The following EIF4G3 variants were observed in gnomAD, a reference collection of about 807,000 sequenced individuals.
EIF4G3 encodes the protein eIF-4-gamma 3.
Under a neutral mutation model 186.4 loss-of-function variants are expected in EIF4G3, and 34 were observed. The ratio of observed to expected loss-of-function variants is 0.18; its 90% CI spans 0.14 to 0.24. The LOEUF (loss-of-function observed/expected upper bound fraction) is 0.24, where lower values mean the gene tolerates loss of function less well. EIF4G3 is among the 10% of genes least tolerant of loss of function. The probability of loss-of-function intolerance (pLI) is 1.00; values close to 1 mark genes in which losing one functional copy is unlikely to be tolerated. For missense variants in EIF4G3, 1,536 were observed against 1,948.5 expected (o/e 0.79, Z 3.99); for synonymous variants, 673 against 679.5 (o/e 0.99, Z 0.15).
At chr1:20,942,695 T>C (rs547815931) in intron 13 of EIF4G3, among the ~76,000 whole-genome samples, 2 of 152,130 alleles carry the variant, frequency 1.3e-5, no homozygotes, top group Non-Finnish European at 2.9e-5. Context: ...TCTCGTTCCC[T>C]AAAAAACTTT....
chr1:21,160,276 A>G (rs2097742028), intron 2 of EIF4G3, among the ~76,000 whole-genome samples: 1 of 151,830 alleles, frequency 6.6e-6, no homozygotes, highest in East Asian at 1.9e-4. Context: ...AGTGATATGA[A>G]TAATAAACAA....
chr1:21,160,227 T>A (rs1351028778), intron 2 of EIF4G3, among the ~76,000 whole-genome samples: 1 of 152,060 alleles, frequency 6.6e-6, no homozygotes, highest in African/African-American at 2.4e-5. Context: ...AGTTACTGGA[T>A]TTTAACCCAT....
At position 20,851,255 on chromosome 1, in the gene EIF4G3, C is replaced by T; in HGVS notation, c.3772+3G>A. 1 of 1,613,982 alleles carries T rather than the reference C, an allele frequency of 6.2e-7. No individual in the cohort carries two copies. The highest frequency in any genetic ancestry group is 2.2e-5 in the East Asian group (1 of 44,884). ...CTGCATCTGTTTAAGCCAAGTCTCT[C>T]ACCTGACTCCCTTGTTTTATTTCGC... On this transcript the variant is annotated splice_donor_region_variant and intron_variant, in intron 28 of 36. Coordinates refer to ENST00000602326, the MANE Select transcript of EIF4G3 (RefSeq NM_001391906.1).
chr1:20,952,140 C>A (rs1219578626), intron 12 of EIF4G3, among the ~76,000 whole-genome samples: 1 of 145,380 alleles, frequency 6.9e-6, no homozygotes, highest in Non-Finnish European at 1.5e-5. Flanking sequence ...AACGTATTAA[C>A]ATATAATTCA....
chr1:20,939,771 A>G (rs1322690061), intron 14 of EIF4G3, among the ~76,000 whole-genome samples: 1 of 152,164 alleles, frequency 6.6e-6, no homozygotes, highest in Non-Finnish European at 1.5e-5. Context: ...AGTGTCAAAC[A>G]AATTACTGTT....
At chr1:20,821,454 C>T (rs1053738602) in intron 33 of EIF4G3, among the ~76,000 whole-genome samples, 1 of 152,154 alleles carries the variant, frequency 6.6e-6, no homozygotes, top group African/African-American at 2.4e-5. Flanking sequence ...ATGTATTTAA[C>T]GAGACTCCAC....
chr1:21,085,907 T>C (rs2095955355), intron 3 of EIF4G3, among the ~76,000 whole-genome samples: 1 of 152,164 alleles, frequency 6.6e-6, no homozygotes, highest in South Asian at 2.1e-4. Context: ...TTGGCCAGGA[T>C]GGTCTCAATC....
chr1:20,904,734 C>A (rs2091547716), intron 15 of EIF4G3, 149 bp downstream of exon 15: 3 of 462,976 alleles, frequency 6.5e-6, no homozygotes, highest in Non-Finnish European at 1.1e-5. Context: ...TTTTAAAATT[C>A]TAATATAAAA....
At position 20,866,435 on chromosome 1, in the gene EIF4G3, T is replaced by C. The variant is rs10916889; in HGVS notation, c.2623-1173A>G. ...TATTTCCTTTCAGCAGGAGACATTA[T>C]CTTAGGAAGAGGGGAACATTTTCAG... On this transcript the variant is annotated intron_variant, in intron 20 of 36. Coordinates refer to ENST00000602326, the MANE Select transcript of EIF4G3 (RefSeq NM_001391906.1). 3.1e-3 allele frequency among the ~76,000 whole-genome samples: 475 copies of C among 152,326 alleles called. 2 individuals are homozygous for C. Among genetic ancestry groups the C allele is most frequent in the African/African-American group, 0.011 (458 of 41,584 alleles).
chr1:21,069,113 A>G (rs2095363036), intron 3 of EIF4G3, among the ~76,000 whole-genome samples: 1 of 152,174 alleles, frequency 6.6e-6, no homozygotes, highest in Non-Finnish European at 1.5e-5. Flanking sequence ...TACACTATGT[A>G]GCTGTAACCT....
intron 18 of EIF4G3, chr1:20,892,846 T>C: frequency 2.9e-6 from 2 of 686,118 alleles, no homozygotes; most frequent in Middle Eastern, 2.6e-4. Flanking sequence ...GCTCTGTATA[T>C]ATATTTTTTC....
At chr1:20,865,836 C>T (rs1038036155) in intron 20 of EIF4G3, among the ~76,000 whole-genome samples, 1 of 152,090 alleles carries the variant, frequency 6.6e-6, no homozygotes, top group Non-Finnish European at 1.5e-5. Flanking sequence ...TGCTTATGTG[C>T]CATGAGAATA....
At chr1:20,935,338 T>C (rs2095485916) in intron 14 of EIF4G3, among the ~76,000 whole-genome samples, 1 of 152,162 alleles carries the variant, frequency 6.6e-6, no homozygotes, top group African/African-American at 2.4e-5. Flanking sequence ...GGAAAGCCTT[T>C]GGAAACAGAA....
intron 34 of EIF4G3, among the ~76,000 whole-genome samples, chr1:20,816,717 C>G (rs1418817225): frequency 1.1e-5 from 1 of 90,898 alleles, no homozygotes; most frequent in Non-Finnish European, 2.3e-5. Flanking sequence ...CCCCTCCGCC[C>G]GGCCACCACC....
intron 4 of EIF4G3, among the ~76,000 whole-genome samples, chr1:21,009,342 A>G (rs1004984695): frequency 2.0e-5 from 3 of 151,908 alleles, no homozygotes; most frequent in African/African-American, 7.3e-5. Flanking sequence ...ACAATGCCTG[A>G]CTAATTTTTG....
At chr1:20,828,462 T>C (rs770245236) in intron 31 of EIF4G3, among the ~76,000 whole-genome samples, 31 of 152,346 alleles carry the variant, frequency 2.0e-4, no homozygotes, top group Non-Finnish European at 3.4e-4. Flanking sequence ...ATCTATACTC[T>C]AAGTGAGGCA....
chr1:20,829,512 TG>T (rs2064546234), intron 30 of EIF4G3, among the ~76,000 whole-genome samples: 1 of 152,026 alleles, frequency 6.6e-6, no homozygotes, highest in African/African-American at 2.4e-5. Flanking sequence ...CTGAAGAACA[TG>T]AACTATGTAC....
chr1:21,069,931 GAA>G (rs1487480988), intron 3 of EIF4G3, among the ~76,000 whole-genome samples: 3 of 152,072 alleles, frequency 2.0e-5, no homozygotes, highest in Non-Finnish European at 4.4e-5. Context: ...GAAGAATAGA[GAA>G]ATGAAATATA....
At chr1:21,049,295 C>T (rs1311014936) in intron 4 of EIF4G3, among the ~76,000 whole-genome samples, 3 of 152,186 alleles carry the variant, frequency 2.0e-5, no homozygotes, top group African/African-American at 7.2e-5. Flanking sequence ...CAGAGAAAGG[C>T]TCCCTATCTG....
Sources: gnomAD v4.1 joint callset for allele counts (sites outside exome capture counted in the v4.1 genomes callset) on GRCh38, gnomAD v4.1.1 for gene constraint, MANE v1.5 for transcripts, NCBI Gene and HGNC (gene_info 2026-07-23, HGNC 2026-07-21) for gene names.